Variants in WBP1L observed in about 807,000 individuals in gnomAD.
The protein encoded by WBP1L is WW domain binding protein 1-like.
In WBP1L, 17 loss-of-function variants were observed where a neutral mutation model predicts 33.7. The observed-to-expected ratio is 0.50, with a 90% confidence interval of 0.34 to 0.76. WBP1L has a LOEUF of 0.76. WBP1L is among the 30% of genes least tolerant of loss of function. The probability of loss-of-function intolerance (pLI) is 0.01; values close to 1 mark genes in which losing one functional copy is unlikely to be tolerated. For synonymous variants in WBP1L, 173 were observed against 190.8 expected (o/e 0.91, Z 0.77); for missense variants, 389 against 469.4 (o/e 0.83, Z 1.58).
At chr10:102,788,213 C>CT (rs1843446866) in intron 1 of WBP1L, among the ~76,000 whole-genome samples, 1 of 150,852 alleles carries the variant, frequency 6.6e-6, no homozygotes, top group Non-Finnish European at 1.5e-5. Flanking sequence ...ACTGCAACCT[C>CT]TGCCTCCTGG....
intron 1 of WBP1L, among the ~76,000 whole-genome samples, chr10:102,761,539 C>T (rs1294553622): frequency 4.0e-5 from 6 of 151,692 alleles, no homozygotes; most frequent in African/African-American, 1.5e-4. Context: ...TCATTGCAAC[C>T]TCCGCCTCCC....
At chr10:102,795,358 C>T (rs1057100988) in intron 1 of WBP1L, among the ~76,000 whole-genome samples, 8 of 152,148 alleles carry the variant, frequency 5.3e-5, no homozygotes, top group Admixed American at 2.6e-4. Flanking sequence ...CATCGTAAGC[C>T]GAGAAACTTC....
chr10:102,751,682 A>C (rs1842925790), intron 1 of WBP1L, among the ~76,000 whole-genome samples: 2 of 152,196 alleles, frequency 1.3e-5, no homozygotes, highest in Admixed American at 1.3e-4. Flanking sequence ...GAGGATACTG[A>C]TCTAACAACT....
intron 1 of WBP1L, among the ~76,000 whole-genome samples, chr10:102,754,047 C>T (rs1236091188): frequency 6.6e-6 from 1 of 152,146 alleles, no homozygotes; most frequent in East Asian, 1.9e-4. Context: ...TTTCATCAAA[C>T]ACAGAAACAA....
At chr10:102,748,739 A>G (rs1015144839) in intron 1 of WBP1L, among the ~76,000 whole-genome samples, 2 of 152,250 alleles carry the variant, frequency 1.3e-5, no homozygotes, top group Non-Finnish European at 2.9e-5. Flanking sequence ...TAGCGCACAC[A>G]GTGAATTGTA....
chr10:102,750,695 G>A (rs1398775252), intron 1 of WBP1L, among the ~76,000 whole-genome samples: 1 of 151,830 alleles, frequency 6.6e-6, no homozygotes, highest in African/African-American at 2.4e-5. Context: ...TACAGATGGG[G>A]TTTCACTGTG....
chr10:102,793,013 C>T (rs1316789722), intron 1 of WBP1L, among the ~76,000 whole-genome samples: 1 of 152,184 alleles, frequency 6.6e-6, no homozygotes, highest in Non-Finnish European at 1.5e-5. Flanking sequence ...CTAATCTGCA[C>T]TTTTCCTTCC....
intron 1 of WBP1L, among the ~76,000 whole-genome samples, chr10:102,769,260 C>T (rs1373494762): frequency 1.3e-5 from 2 of 152,220 alleles, no homozygotes; most frequent in African/African-American, 2.4e-5. Context: ...GTTGGGGAAC[C>T]ACTGTGTTCA....
intron 3 of WBP1L, among the ~76,000 whole-genome samples, chr10:102,811,793 A>G (rs1843845885): frequency 6.6e-6 from 1 of 152,208 alleles, no homozygotes. Context: ...TTACAGGCGT[A>G]AGCCACTGTG....
At chr10:102,807,979 T>A (rs755437851) in intron 2 of WBP1L, among the ~76,000 whole-genome samples, 24 of 151,854 alleles carry the variant, frequency 1.6e-4, no homozygotes, top group Non-Finnish European at 1.5e-5. Flanking sequence ...GGCTGAGACG[T>A]GAGGATCTCT....
Position 102,796,749 on chromosome 10 carries a change from G to A in WBP1L, c.91-1244G>A, listed in dbSNP as rs533300213. On this transcript the variant is annotated intron_variant, in intron 1 of 3. Coordinates refer to ENST00000448841, the MANE Select transcript of WBP1L (RefSeq NM_001083913.2). ...ACACAATGCTTGGCACAAAGACAGC[G>A]TCCAGTAAGTGACTGTGTTATTGTT... is the stretch of plus-strand genomic sequence containing the variant. 6.6e-5 allele frequency among the ~76,000 whole-genome samples: 10 copies of A among 152,160 alleles called. No homozygotes were observed. In the East Asian group the frequency reaches 9.6e-4, roughly 15 times the overall value.
chr10:102,755,155 G>A (rs923149988), intron 1 of WBP1L, among the ~76,000 whole-genome samples: 1 of 151,986 alleles, frequency 6.6e-6, no homozygotes, highest in African/African-American at 2.4e-5. Context: ...CACCATGTTG[G>A]CCAGGCTGGT....
chr10:102,798,191 C>T (rs887262955), intron 2 of WBP1L, 96 bp downstream of exon 2: 1 of 1,049,242 alleles, frequency 9.5e-7, no homozygotes, highest in African/African-American at 1.6e-5. Flanking sequence ...TTCGGATTCT[C>T]TTGGGGACAG....
intron 1 of WBP1L, among the ~76,000 whole-genome samples, chr10:102,772,072 T>G (rs1478739366): frequency 6.7e-6 from 1 of 150,060 alleles, no homozygotes. Context: ...TCCATTCTCC[T>G]GCCTCAGCTC....
intron 1 of WBP1L, among the ~76,000 whole-genome samples, chr10:102,747,083 G>C (rs1425450966): frequency 6.6e-6 from 1 of 152,118 alleles, no homozygotes; most frequent in Admixed American, 6.5e-5. Flanking sequence ...AATGAAAAAG[G>C]CTGGGCATGG....
At chr10:102,793,647 A>G (rs1339039620) in intron 1 of WBP1L, among the ~76,000 whole-genome samples, 1 of 152,168 alleles carries the variant, frequency 6.6e-6, no homozygotes, top group East Asian at 1.9e-4. Flanking sequence ...ATGGTCTTTC[A>G]TGCTCAGCAA....
intron 1 of WBP1L, among the ~76,000 whole-genome samples, chr10:102,778,234 G>A (rs975446255): frequency 6.6e-6 from 1 of 152,242 alleles, no homozygotes; most frequent in African/African-American, 2.4e-5. Flanking sequence ...AACGAGAAGC[G>A]AAGGGACTGA....
Position 102,798,006 on chromosome 10 carries a change from G to C in WBP1L, c.104G>C (p.Cys35Ser). 6.2e-7 allele frequency: 1 copy of C among 1,613,994 alleles called. No individual in the cohort carries two copies. Among genetic ancestry groups the C allele is most frequent in the South Asian group, 1.1e-5 (1 of 91,082 alleles). The change falls in exon 2 of 4, where the codon TGT becomes TCT. Residue 35 changes from cysteine to serine, a missense_variant. Cys to Ser is a moderately radical substitution (Grantham distance 112). Coordinates refer to ENST00000448841, the MANE Select transcript of WBP1L (RefSeq NM_001083913.2). ...TTAATTTTTTAGGATAAGGAAGCCT[G>C]TGTGGGTACCAACAATCAAAGCTAC... ...RAEPPQDKEA[C>S]VGTNNQSYIC...
At chr10:102,772,661 C>T (rs913274281) in intron 1 of WBP1L, among the ~76,000 whole-genome samples, 4 of 146,842 alleles carry the variant, frequency 2.7e-5, no homozygotes, top group Non-Finnish European at 5.9e-5. Flanking sequence ...CCTCTCCCTC[C>T]TGGGCTCAAG....
Sources: gnomAD v4.1 joint callset for allele counts (sites outside exome capture counted in the v4.1 genomes callset) on GRCh38, gnomAD v4.1.1 for gene constraint, MANE v1.5 for transcripts, NCBI Gene and HGNC (gene_info 2026-07-23, HGNC 2026-07-21) for gene names.